The following RABGAP1L variants were observed in gnomAD, a reference collection of about 807,000 sequenced individuals.
RABGAP1L encodes rab GTPase-activating protein 1-like.
Under a neutral mutation model 137.7 loss-of-function variants are expected in RABGAP1L, and 63 were observed. That is an observed-to-expected ratio of 0.46 (90% CI 0.37 to 0.56). RABGAP1L has a LOEUF of 0.56. Among genes scored for constraint, RABGAP1L ranks in the 20% least tolerant of loss-of-function variants. The pLI, the probability that RABGAP1L is intolerant of heterozygous loss-of-function variation, is 0.00. For missense variants in RABGAP1L, 1,095 were observed against 1,244.0 expected (o/e 0.88, Z 1.80); for synonymous variants, 431 against 433.7 (o/e 0.99, Z 0.08).
intron 13 of RABGAP1L, among the ~76,000 whole-genome samples, chr1:174,462,415 T>C (rs980269917): frequency 6.6e-6 from 1 of 152,192 alleles, no homozygotes; most frequent in Non-Finnish European, 1.5e-5. Context: ...TACATTGTTA[T>C]CTCCCTTCAA....
chr1:174,569,603 G>A (rs1269873962), intron 13 of RABGAP1L, among the ~76,000 whole-genome samples: 2 of 152,150 alleles, frequency 1.3e-5, no homozygotes, highest in Non-Finnish European at 2.9e-5. Context: ...CATCCACAGT[G>A]TATACTCTTT....
chr1:174,318,854 T>C (rs1383086755), intron 11 of RABGAP1L, among the ~76,000 whole-genome samples: 3 of 151,980 alleles, frequency 2.0e-5, no homozygotes, highest in Admixed American at 6.6e-5. Flanking sequence ...TAAAAAAAAC[T>C]TTACACTTCA....
intron 7 of RABGAP1L, among the ~76,000 whole-genome samples, chr1:174,265,113 T>C (rs1198769487): frequency 5.9e-5 from 9 of 152,192 alleles, no homozygotes; most frequent in Admixed American, 5.9e-4. Flanking sequence ...GGGGAAGATA[T>C]TCCTTTTCTT....
At position 174,172,710 on chromosome 1, in the gene RABGAP1L, G is replaced by GT. The variant is rs576996510; in HGVS notation, c.-34+13059dup. 6.1e-3 allele frequency among the ~76,000 whole-genome samples: 922 copies of GT among 152,084 alleles called. 3 individuals are homozygous for GT. The highest frequency in any genetic ancestry group is 8.9e-3 in the Non-Finnish European group (607 of 67,960). ...TAATTGGGTTATTTCGTTTTGTTTT[G>GT]TTTTTTGCTGTTGAGTTGTGAGAGT... On this transcript the variant is annotated intron_variant, in intron 1 of 25. Coordinates refer to ENST00000681986, the MANE Select transcript of RABGAP1L (RefSeq NM_001366446.1).
At chr1:174,933,443 T>C (rs917949154) in intron 19 of RABGAP1L, among the ~76,000 whole-genome samples, 2 of 152,094 alleles carry the variant, frequency 1.3e-5, no homozygotes, top group Non-Finnish European at 2.9e-5. Context: ...CCCAAGCACA[T>C]GAAAAACTGC....
intron 13 of RABGAP1L, among the ~76,000 whole-genome samples, chr1:174,636,642 A>G (rs1674066590): frequency 6.6e-6 from 1 of 152,166 alleles, no homozygotes; most frequent in Non-Finnish European, 1.5e-5. Flanking sequence ...TTACTTTTTA[A>G]ATGACCATGG....
At chr1:174,886,176 G>A (rs1655088437) in intron 19 of RABGAP1L, among the ~76,000 whole-genome samples, 1 of 151,808 alleles carries the variant, frequency 6.6e-6, no homozygotes, top group African/African-American at 2.4e-5. Flanking sequence ...CCACGCCTGG[G>A]TAATTTTGAA....
chr1:174,530,078 G>A (rs1398830670), intron 13 of RABGAP1L, among the ~76,000 whole-genome samples: 1 of 151,888 alleles, frequency 6.6e-6, no homozygotes, highest in Admixed American at 6.5e-5. Flanking sequence ...TCAGCTGGTG[G>A]GAGGAAGCAG....
chr1:174,440,931 C>G (rs1166228274), intron 13 of RABGAP1L, among the ~76,000 whole-genome samples: 2 of 152,062 alleles, frequency 1.3e-5, no homozygotes, highest in Non-Finnish European at 2.9e-5. Context: ...ACTGTTTATC[C>G]TATTTGCCAT....
At position 174,993,488 on chromosome 1, in the gene RABGAP1L, T is replaced by C. The variant is rs1672187165; in HGVS notation, c.*3487T>C. On this transcript the variant is annotated 3_prime_UTR_variant, in exon 26 of 26. Transcript: ENST00000681986. Reference sequence around the variant, plus strand: ...TATTTTCCAGTTAATAACTAGTTGCTTTATTTCCTAGCTGAAGTGAGAAAA... The same window carrying C: ...TATTTTCCAGTTAATAACTAGTTGCCTTATTTCCTAGCTGAAGTGAGAAAA... 6.6e-6 allele frequency: 1 copy of C among 152,262 alleles called. No homozygotes were observed. The highest frequency in any genetic ancestry group is 1.5e-5 in the Non-Finnish European group (1 of 68,046). The allele number at this position is 152,262 out of a possible 1,614,324, so 9.4% of individuals were successfully genotyped here.
intron 10 of RABGAP1L, among the ~76,000 whole-genome samples, chr1:174,291,089 A>G (rs1279362111): frequency 6.6e-6 from 1 of 152,024 alleles, no homozygotes; most frequent in Non-Finnish European, 1.5e-5. Flanking sequence ...TTCTCTATAT[A>G]TTATCATGTT....
intron 13 of RABGAP1L, among the ~76,000 whole-genome samples, chr1:174,451,222 A>AG (rs35487854): frequency 6.6e-6 from 1 of 152,250 alleles, no homozygotes; most frequent in African/African-American, 2.4e-5. Flanking sequence ...ACAAAGTTCA[A>AG]GGAAGTGTAC....
chr1:174,590,112 C>T (rs537681602), intron 13 of RABGAP1L, among the ~76,000 whole-genome samples: 1 of 130,328 alleles, frequency 7.7e-6, no homozygotes, highest in Non-Finnish European at 1.6e-5. Flanking sequence ...TTTTTGTGAC[C>T]TCTTCAGTTT....
chr1:174,387,095 T>C (rs1686859263), intron 12 of RABGAP1L, among the ~76,000 whole-genome samples: 1 of 152,222 alleles, frequency 6.6e-6, no homozygotes, highest in East Asian at 1.9e-4. Context: ...AACAACATAG[T>C]TTCTACCTTT....
chr1:174,476,297 AATAGT>A (rs1429474916), intron 13 of RABGAP1L, among the ~76,000 whole-genome samples: 1 of 152,164 alleles, frequency 6.6e-6, no homozygotes, highest in Non-Finnish European at 1.5e-5. Context: ...ATAAGATTTT[AATAGT>A]AAGTTTTGGA....
chr1:174,423,037 G>A (rs1342739786), intron 13 of RABGAP1L, among the ~76,000 whole-genome samples: 1 of 150,256 alleles, frequency 6.7e-6, no homozygotes, highest in African/African-American at 2.5e-5. Flanking sequence ...TTCCCAAAAT[G>A]TTTCATAAAT....
chr1:174,550,859 TA>T (rs1666382899), intron 13 of RABGAP1L, among the ~76,000 whole-genome samples: 1 of 33,806 alleles, frequency 3.0e-5, no homozygotes, highest in African/African-American at 2.2e-4. Context: ...CTCTGCTAAA[TA>T]TATATATATA....
intron 19 of RABGAP1L, among the ~76,000 whole-genome samples, chr1:174,894,363 A>G (rs1299815547): frequency 2.0e-5 from 3 of 152,202 alleles, no homozygotes; most frequent in African/African-American, 7.2e-5. Context: ...TAAAGTGTTA[A>G]TGGCATCTAT....
chr1:174,765,287 A>G (rs1410540763), intron 18 of RABGAP1L, among the ~76,000 whole-genome samples: 1 of 152,152 alleles, frequency 6.6e-6, no homozygotes, highest in East Asian at 1.9e-4. Flanking sequence ...TCTAGTCTAC[A>G]GCCATACCAC....
Sources: allele counts gnomAD v4.1 joint callset (sites outside exome capture counted in the v4.1 genomes callset), GRCh38; gene constraint gnomAD v4.1.1; transcripts MANE v1.5; gene names NCBI Gene and HGNC (gene_info 2026-07-23, HGNC 2026-07-21).